The following TAFA5 variants were observed in gnomAD, a reference collection of about 807,000 sequenced individuals.
TAFA5 encodes the protein chemokine-like protein TAFA-5.
TAFA5 carries 6 observed loss-of-function variants against 15.3 expected under a neutral mutation model. The ratio of observed to expected loss-of-function variants is 0.39; its 90% CI spans 0.21 to 0.77. The LOEUF (loss-of-function observed/expected upper bound fraction) is 0.77, where lower values mean the gene tolerates loss of function less well. TAFA5 is among the 30% of genes least tolerant of loss of function. TAFA5 has a pLI of 0.41. For synonymous variants in TAFA5, 103 were observed against 80.7 expected, an observed-to-expected ratio of 1.28 and a Z score of -1.48; for missense variants, 161 against 193.1, an observed-to-expected ratio of 0.83 and a Z score of 0.98.
intron 3 of TAFA5, among the ~76,000 whole-genome samples, chr22:48,720,777 G>A (rs901530877): frequency 3.3e-5 from 5 of 152,202 alleles, no homozygotes; most frequent in Non-Finnish European, 7.4e-5. Flanking sequence ...CCCTGTGCTC[G>A]AGACGTATTT....
chr22:48,543,691 C>G (rs1024014768), intron 1 of TAFA5: 1 of 152,516 alleles, frequency 6.6e-6, no homozygotes, highest in African/African-American at 2.4e-5. Context: ...TGTCCCTGCT[C>G]GGGCAGAGCC....
Position 48,490,488 on chromosome 22 carries a change from T to C in TAFA5, c.112+784T>C, listed in dbSNP as rs1928111139. Among the ~76,000 whole-genome samples, 2 of 151,602 alleles carry C rather than the reference T, an allele frequency of 1.3e-5. No individual in the cohort carries two copies. The highest frequency in any genetic ancestry group is 2.9e-5 in the Non-Finnish European group (2 of 67,904). On this transcript the variant is annotated intron_variant, in intron 1 of 3. Transcript: ENST00000402357. This position sits in a 1 kb window ranked among gnomAD's most constrained non-coding sequence, Gnocchi z 5.8. ...GGGTGGCCTGTGCCCCTGCCGAGGC[T>C]CCAGGCGGGTGGAATGAGGGGTGGT...
At chr22:48,636,971 G>A (rs1926472993) in intron 1 of TAFA5, among the ~76,000 whole-genome samples, 1 of 152,242 alleles carries the variant, frequency 6.6e-6, no homozygotes. Context: ...CTGCCCCAAG[G>A]TATGGGCAGT....
chr22:48,534,956 T>C (rs1375961731), intron 1 of TAFA5, among the ~76,000 whole-genome samples: 1 of 152,004 alleles, frequency 6.6e-6, no homozygotes, highest in Non-Finnish European at 1.5e-5. Context: ...TCCTCTGTCC[T>C]CTCCTTTTCT....
intron 1 of TAFA5, among the ~76,000 whole-genome samples, chr22:48,645,049 C>T (rs796641537): frequency 7.9e-5 from 12 of 152,342 alleles, no homozygotes; most frequent in African/African-American, 2.9e-4. Flanking sequence ...GCCCCAGGGC[C>T]CTGCACAGAG....
chr22:48,601,485 C>G (rs1168786800), intron 1 of TAFA5, among the ~76,000 whole-genome samples: 2 of 152,060 alleles, frequency 1.3e-5, no homozygotes, highest in Non-Finnish European at 2.9e-5. Context: ...CACCACCATG[C>G]CCGGCGAATT....
At chr22:48,718,675 C>G (rs1241643031) in intron 3 of TAFA5, among the ~76,000 whole-genome samples, 3 of 152,194 alleles carry the variant, frequency 2.0e-5, no homozygotes, top group African/African-American at 7.2e-5. Flanking sequence ...GCCAGGCTTC[C>G]CCCGGCCCCG....
At chr22:48,582,823 ACACACAATAAAC>A (rs1924125504) in intron 1 of TAFA5, among the ~76,000 whole-genome samples, 1 of 48,762 alleles carries the variant, frequency 2.1e-5, no homozygotes. Context: ...ACCACACACC[ACACACAATAAAC>A]CACACACAAA....
rs140612938 is a variant in TAFA5, at chr22:48,718,211, C to G, written c.390+10367C>G. On this transcript the variant is annotated intron_variant, in intron 3 of 3. Transcript: ENST00000402357. ...ACCCAGGCGTCCTCACCCGGCCTCT[C>G]CCTGGGATGCCCATGGCCACTTCCT... Among the ~76,000 whole-genome samples, 141 of 152,328 alleles carry G rather than the reference C, an allele frequency of 9.3e-4. 1 individual carries two copies. Among genetic ancestry groups the G allele is most frequent in the African/African-American group, 3.1e-3 (130 of 41,586 alleles).
At chr22:48,534,444 A>C (rs1922081952) in intron 1 of TAFA5, among the ~76,000 whole-genome samples, 2 of 152,034 alleles carry the variant, frequency 1.3e-5, no homozygotes, top group Admixed American at 6.5e-5. Context: ...CAGCTCTAGG[A>C]CTGAGGAGTG....
chr22:48,578,816 GAGCCCC>G (rs1182736442), intron 1 of TAFA5, among the ~76,000 whole-genome samples: 1 of 152,158 alleles, frequency 6.6e-6, no homozygotes. Flanking sequence ...TTGGCATCAG[GAGCCCC>G]AGGGGAGGCC....
At chr22:48,593,962 C>A (rs1047588517) in intron 1 of TAFA5, among the ~76,000 whole-genome samples, 1 of 152,212 alleles carries the variant, frequency 6.6e-6, no homozygotes, top group Non-Finnish European at 1.5e-5. Context: ...CGTTATTTTT[C>A]CTATTATTTT....
chr22:48,593,284 A>G (rs1345263080), intron 1 of TAFA5, among the ~76,000 whole-genome samples: 1 of 152,182 alleles, frequency 6.6e-6, no homozygotes, highest in Non-Finnish European at 1.5e-5. Context: ...GCTGAGATGC[A>G]GCTGGTCGGG....
chr22:48,681,277 G>T (rs190599453), intron 2 of TAFA5, among the ~76,000 whole-genome samples: 1 of 152,280 alleles, frequency 6.6e-6, no homozygotes, highest in East Asian at 1.9e-4. Flanking sequence ...CACAGAAAAT[G>T]AGGGGCTCCA....
intron 2 of TAFA5, among the ~76,000 whole-genome samples, chr22:48,656,804 G>A (rs1255748766): frequency 9.0e-6 from 1 of 111,556 alleles, no homozygotes; most frequent in East Asian, 3.2e-4. Flanking sequence ...TCACTCTGTT[G>A]CCCAGGCTAG....
Position 48,530,761 on chromosome 22 carries a change from T to C in TAFA5, c.112+41057T>C, listed in dbSNP as rs1430757951. ...CACACCTGACCCCCAGGCCCACCCC[T>C]TCAGGGGGCCGGTGGCAGAGGGAGT... On this transcript the variant is annotated intron_variant, in intron 1 of 3. Coordinates refer to ENST00000402357, the MANE Select transcript of TAFA5 (RefSeq NM_001082967.3). This position sits in a 1 kb window ranked among gnomAD's most constrained non-coding sequence, Gnocchi z 6.0. Among the ~76,000 whole-genome samples the C allele has an allele frequency of 6.6e-6, 1 of 152,086 alleles. No individual in the cohort carries two copies. The highest frequency in any genetic ancestry group is 2.1e-4 in the South Asian group (1 of 4,822).
chr22:48,710,306 G>A (rs1425531269), intron 3 of TAFA5, among the ~76,000 whole-genome samples: 2 of 152,182 alleles, frequency 1.3e-5, no homozygotes, highest in Non-Finnish European at 2.9e-5. Flanking sequence ...AGGCTGCCTG[G>A]ATAATGCCTT....
intron 1 of TAFA5, among the ~76,000 whole-genome samples, chr22:48,541,128 G>A (rs144056335): frequency 1.6e-4 from 25 of 152,214 alleles, no homozygotes; most frequent in Non-Finnish European, 2.4e-4. Context: ...AAGACTTTGC[G>A]CCTCCTGGGT....
At chr22:48,605,423 G>A (rs201768360) in intron 1 of TAFA5, among the ~76,000 whole-genome samples, 29 of 99,416 alleles carry the variant, frequency 2.9e-4, no homozygotes, top group African/African-American at 1.5e-3. Flanking sequence ...GGTGAGGATG[G>A]TGGTGGTGGT....
Sources: gnomAD v4.1 joint callset for allele counts (sites outside exome capture counted in the v4.1 genomes callset) on GRCh38, gnomAD v4.1.1 for gene constraint, Gnocchi (gnomAD v3.1) non-coding constraint, MANE v1.5 for transcripts, NCBI Gene and HGNC (gene_info 2026-07-23, HGNC 2026-07-21) for gene names.